Variants in TMEM42 observed in about 807,000 individuals in gnomAD.
TMEM42 encodes the protein transmembrane protein 42.
A neutral mutation model predicts 14.0 loss-of-function variants in TMEM42; 8 were observed. The observed-to-expected ratio is 0.57, with a 90% CI of 0.34 to 1.03. The LOEUF (loss-of-function observed/expected upper bound fraction) is 1.03. TMEM42 is among the 50% of genes least tolerant of loss of function. The pLI, the probability that TMEM42 is intolerant of heterozygous loss-of-function variation, is 0.03. For synonymous variants in TMEM42, 115 were observed against 94.3 expected, an observed-to-expected ratio of 1.22 and a Z score of -1.27; for missense variants, 211 against 219.8, an observed-to-expected ratio of 0.96 and a Z score of 0.25.
At chr3:44,862,303 T>A (rs1164899811) in intron 1 of TMEM42, 187 bp downstream of exon 1, 1 of 208,812 alleles carries the variant, frequency 4.8e-6, no homozygotes, top group Non-Finnish European at 8.4e-6. Context: ...TGCGGTCAGC[T>A]GGGGTGGCAG....
chr3:44,863,883 G>A (rs773563681), intron 1 of TMEM42: 28 of 357,284 alleles, frequency 7.8e-5, no homozygotes, highest in Non-Finnish European at 1.3e-4. Context: ...TGGTCATTGT[G>A]GGACCAATAA....
chr3:44,864,309 C>T lies in TMEM42; in HGVS notation c.305C>T (p.Ser102Phe). 1 of 1,614,220 alleles carries T rather than the reference C, an allele frequency of 6.2e-7. No homozygotes were observed. The highest frequency in any genetic ancestry group is 8.5e-7 in the Non-Finnish European group (1 of 1,180,046). Residue 102 changes from serine (S) to phenylalanine (F), a missense_variant, in exon 2 of 3, where the codon TCT becomes TTT. By Grantham distance (155) the Ser-to-Phe change is radical. Coordinates refer to ENST00000302392, the MANE Select transcript of TMEM42 (RefSeq NM_144638.3). ...TTCTCCATGTCTTCAGCCATTGCAT[C>T]TGTCACAGTGACTTTTTCAAATATC... ...LSFSMSSAIA[S>F]VTVTFSNILS...
At position 44,861,971 on chromosome 3, in the gene TMEM42, C is replaced by G; in HGVS notation, c.47C>G (p.Ala16Gly). 7.2e-7 allele frequency: 1 copy of G among 1,392,890 alleles called. No homozygotes were observed. 86.3% of individuals were successfully genotyped at this position (1,392,890 alleles called of 1,614,324 possible). A position where few individuals can be genotyped will look rare whatever the true frequency, so the allele number is the denominator to read the frequency against. The stretch of plus-strand genomic sequence containing the variant: ...CCGGGCGGCGCCGTGTCCGCGACCG[C>G]GTACCCTGACACCCCCGCGGAATTC... ...GPPGGAVSAT[A>G]YPDTPAEFPP... is the part of the protein sequence containing the mutation. Residue 16 changes from alanine to glycine, a missense_variant, in exon 1 of 3, where the codon GCG becomes GGG. Transcript: ENST00000302392.
chr3:44,863,429 AAAAG>A (rs765969284), intron 1 of TMEM42: 1 of 151,830 alleles, frequency 6.6e-6, no homozygotes, highest in African/African-American at 2.4e-5. Context: ...CCTTTAAAAA[AAAAG>A]AAAGAAAATA....
chr3:44,864,933 C>T, intron 2 of TMEM42, 107 bp from the exon 3 acceptor site: 2 of 1,469,366 alleles, frequency 1.4e-6, no homozygotes, highest in South Asian at 2.6e-5. Context: ...AGGCTTCTGG[C>T]TCCAGACCTT....
chr3:44,862,092 C>A lies in TMEM42; in HGVS notation c.168C>A (p.Ser56=), dbSNP rs767187007. Residue 56 remains serine (S), a synonymous_variant, in exon 1 of 3, where the codon TCC becomes TCA. Transcript: ENST00000302392. Reference sequence around the variant, plus strand: ...CGTTCGGGGCCCTGGCCGCCGCCTCCGCCAAGCTGGCCTTCGGCAGCGAGG... The same window carrying A: ...CGTTCGGGGCCCTGGCCGCCGCCTCAGCCAAGCTGGCCTTCGGCAGCGAGG... ...AGAFGALAAA[S]AKLAFGSEVS... 6 of 1,294,388 alleles carry A rather than the reference C, an allele frequency of 4.6e-6. No homozygotes were observed. The South Asian group carries it at 1.7e-4, about 37-fold the overall frequency. The allele number at this position is 1,294,388 out of a possible 1,614,324, so 80.2% of individuals were successfully genotyped here. A position where few individuals can be genotyped will look rare whatever the true frequency, so the allele number is the denominator to read the frequency against.
chr3:44,862,744 C>G (rs1355329211), intron 1 of TMEM42: 1 of 151,916 alleles, frequency 6.6e-6, no homozygotes, highest in African/African-American at 2.4e-5. Flanking sequence ...CCTCCCACGT[C>G]GTAGACCAGC....
chr3:44,862,085 C>T lies in TMEM42; in HGVS notation c.161C>T (p.Ala54Val). 3 of 1,300,892 alleles carry T rather than the reference C, an allele frequency of 2.3e-6. No individual in the cohort carries two copies. Among genetic ancestry groups the T allele is most frequent in the Non-Finnish European group, 2.9e-6 (3 of 1,021,258 alleles). The allele number at this position is 1,300,892 out of a possible 1,614,324, so 80.6% of individuals were successfully genotyped here. Residue 54 changes from alanine to valine, a missense_variant, in exon 1 of 3, where the codon GCC (alanine) becomes GTC (valine). Physicochemically the swap from Ala to Val is moderately conservative, Grantham distance 64. Coordinates refer to ENST00000302392, the MANE Select transcript of TMEM42 (RefSeq NM_144638.3). ...LCAGAFGALA[A>V]ASAKLAFGSE... ...GCCGGCGCGTTCGGGGCCCTGGCCG[C>T]CGCCTCCGCCAAGCTGGCCTTCGGC...
At chr3:44,864,919 C>T (rs1256012242) in intron 2 of TMEM42, 121 bp from the exon 3 acceptor site, 1 of 1,351,452 alleles carries the variant, frequency 7.4e-7, no homozygotes, top group Non-Finnish European at 1.0e-6. Flanking sequence ...AGGTTTCAAG[C>T]CCAAGGCTTC....
Position 44,865,242 on chromosome 3 carries a change from A to T in TMEM42, c.*62A>T. 6.2e-7 allele frequency: 1 copy of T among 1,608,820 alleles called. No individual in the cohort carries two copies. The highest frequency in any genetic ancestry group is 8.5e-7 in the Non-Finnish European group (1 of 1,175,774). ...GATGGTGGCCCAGCCTTGGGATGTC[A>T]TGTGGGACTGTATCCTAGGGCGATC... On this transcript the variant is annotated 3_prime_UTR_variant, in exon 3 of 3. Coordinates refer to ENST00000302392, the MANE Select transcript of TMEM42 (RefSeq NM_144638.3).
At chr3:44,864,496 T>A (rs1334085870) in intron 2 of TMEM42, among the ~76,000 whole-genome samples, 153 bp downstream of exon 2, 3 of 152,180 alleles carry the variant, frequency 2.0e-5, no homozygotes, top group Non-Finnish European at 4.4e-5. Flanking sequence ...GCTCTATTCA[T>A]GGAGCAAATG....
intron 1 of TMEM42, 28 bp from the exon 2 acceptor site, chr3:44,864,169 G>A (rs773789170): frequency 3.7e-6 from 6 of 1,612,386 alleles, no homozygotes; most frequent in African/African-American, 1.3e-5. Flanking sequence ...CAGGGTGGAC[G>A]TGGCTGCAGT....
rs762996397 is a variant in TMEM42, at chr3:44,864,352, C to T, written c.339+9C>T. On this transcript the variant is annotated intron_variant, in intron 2 of 2. Coordinates refer to ENST00000302392, the MANE Select transcript of TMEM42 (RefSeq NM_144638.3). ...CAAATATCCTCAGCTCGGTGAGTAG[C>T]CTGAGGGTGTGGTGCTCTTGTCCTA... The T allele has an allele frequency of 1.2e-6, 2 of 1,614,010 alleles. No homozygotes were observed. Among genetic ancestry groups the T allele is most frequent in the Admixed American group, 1.7e-5 (1 of 60,012 alleles).
At chr3:44,862,189 G>A (rs1233004451) in intron 1 of TMEM42, 73 bp downstream of exon 1, 12 of 1,010,212 alleles carry the variant, frequency 1.2e-5, no homozygotes, top group Non-Finnish European at 1.5e-5. Flanking sequence ...GAGGAGGGGC[G>A]CTGCGGGGCC....
At chr3:44,864,127 G>T in intron 1 of TMEM42, 70 bp from the exon 2 acceptor site, 5 of 1,599,094 alleles carry the variant, frequency 3.1e-6, no homozygotes, top group Non-Finnish European at 3.4e-6. Flanking sequence ...ACAGTCCTGG[G>T]TGTGCTTTGA....
In TMEM42 at chr3:44,865,455, G is replaced by T. The variant is rs1466318435; in HGVS notation, c.*275G>T. 4.5e-6 allele frequency: 2 copies of T among 448,972 alleles called. No individual in the cohort carries two copies. Among genetic ancestry groups the T allele is most frequent in the East Asian group, 3.5e-5 (1 of 28,680 alleles). 27.8% of individuals were successfully genotyped at this position (448,972 alleles called of 1,614,324 possible). On this transcript the variant is annotated 3_prime_UTR_variant, in exon 3 of 3. Coordinates refer to ENST00000302392, the MANE Select transcript of TMEM42 (RefSeq NM_144638.3). ...CCTTCGCAGATGCTGGAGATCCTGG[G>T]GTTGGTCTGCTTTGTGTATGGTACT... is the stretch of plus-strand genomic sequence containing the variant.
Position 44,864,201 on chromosome 3 carries a change from G to T in TMEM42, c.197G>T (p.Ser66Ile), listed in dbSNP as rs756373191. 6.2e-7 allele frequency: 1 copy of T among 1,613,902 alleles called. No homozygotes were observed. Among genetic ancestry groups the T allele is most frequent in the African/African-American group, 1.3e-5 (1 of 74,920 alleles). ...CAGTGACACTTTCTCCTGCAGGTGA[G>T]CATGGGTTTATGCGTCTTAGGCATT... is the stretch of plus-strand genomic sequence containing the variant. ...SAKLAFGSEVSMGLCVLGIIV... is the reference protein window; with the variant it reads ...SAKLAFGSEVIMGLCVLGIIV... The change falls in exon 2 of 3, where the codon AGC becomes ATC. Residue 66 changes from serine (S) to isoleucine (I), a missense_variant. Ser to Ile is a moderately radical substitution (Grantham distance 142). Transcript: ENST00000302392.
intron 1 of TMEM42, 91 bp downstream of exon 1, chr3:44,862,207 C>A: frequency 1.0e-5 from 2 of 195,270 alleles, no homozygotes. Flanking sequence ...GCCCGCGGGG[C>A]TCTTGGGGTG....
chr3:44,861,915 A>T lies in TMEM42; in HGVS notation c.-10A>T. 1 of 1,475,906 alleles carries T rather than the reference A, an allele frequency of 6.8e-7. No homozygotes were observed. Among genetic ancestry groups the T allele is most frequent in the Non-Finnish European group, 8.9e-7 (1 of 1,117,460 alleles). 91.4% of individuals were successfully genotyped at this position (1,475,906 alleles called of 1,614,324 possible). A position where few individuals can be genotyped will look rare whatever the true frequency, so the allele number is the denominator to read the frequency against. The stretch of plus-strand genomic sequence containing the variant: ...GGCAGCGGGTGCCAGGCACGGTGTC[A>T]GCAGGCAACATGGCCGAGAGGCCGG... On this transcript the variant is annotated 5_prime_UTR_variant, in exon 1 of 3. Transcript: ENST00000302392.
Sources: gnomAD v4.1 joint callset for allele counts (sites outside exome capture counted in the v4.1 genomes callset) on GRCh38, gnomAD v4.1.1 for gene constraint, MANE v1.5 for transcripts, NCBI Gene and HGNC (gene_info 2026-07-23, HGNC 2026-07-21) for gene names.